The following PPP1R9A variants were observed in gnomAD, a reference collection of about 807,000 sequenced individuals.
PPP1R9A encodes neurabin-1.
A neutral mutation model predicts 141.9 loss-of-function variants in PPP1R9A; 59 were observed. The ratio of observed to expected loss-of-function variants is 0.42; its 90% CI spans 0.34 to 0.52. The LOEUF is 0.52. PPP1R9A is among the 20% of genes least tolerant of loss of function. The pLI is 0.10. For missense variants in PPP1R9A, 1,444 were observed against 1,611.9 expected (o/e 0.90, Z 1.78); for synonymous variants, 500 against 569.7 (o/e 0.88, Z 1.74).
intron 2 of PPP1R9A, among the ~76,000 whole-genome samples, chr7:95,101,010 G>A (rs1210159951): frequency 6.6e-6 from 1 of 150,942 alleles, no homozygotes; most frequent in Non-Finnish European, 1.5e-5. Context: ...CCGCTACCAC[G>A]CCCGGCTAAT....
chr7:95,109,462 T>A (rs1820151130), intron 2 of PPP1R9A, among the ~76,000 whole-genome samples: 1 of 152,148 alleles, frequency 6.6e-6, no homozygotes, highest in Admixed American at 6.5e-5. Flanking sequence ...AATGAATAAA[T>A]GTGAATAAGT....
chr7:95,183,497 C>A (rs1368895526), intron 5 of PPP1R9A, among the ~76,000 whole-genome samples: 1 of 136,758 alleles, frequency 7.3e-6, no homozygotes, highest in African/African-American at 2.8e-5. Context: ...GTTGCCCAGG[C>A]TGGAGTGCAG....
chr7:95,195,145 A>G (rs546337429), intron 5 of PPP1R9A, among the ~76,000 whole-genome samples: 1 of 152,280 alleles, frequency 6.6e-6, no homozygotes, highest in Non-Finnish European at 1.5e-5. Context: ...CACATCATAC[A>G]TGGAAATCAA....
intron 4 of PPP1R9A, chr7:95,155,208 A>T (rs1322015107): frequency 1.5e-5 from 2 of 133,420 alleles, no homozygotes; most frequent in Non-Finnish European, 3.1e-5. Flanking sequence ...TTTTTTTGAG[A>T]CAGAGTCTTG....
rs1801015402 is a variant in PPP1R9A, at chr7:94,987,685, A to C, written c.1395+76177A>C. Among the ~76,000 whole-genome samples, 4 of 152,182 alleles carry C rather than the reference A, an allele frequency of 2.6e-5. 1 individual carries two copies. Among genetic ancestry groups the C allele is most frequent in the Admixed American group, 6.5e-5 (1 of 15,270 alleles). ...ATTTATAGTGGTATGGGACATGTAA[A>C]AATGTTTTATAAAATGCAATTTGTA... On this transcript the variant is annotated intron_variant, in intron 2 of 19. Transcript: ENST00000433360.
intron 2 of PPP1R9A, among the ~76,000 whole-genome samples, chr7:94,951,469 A>G (rs527300428): frequency 6.6e-6 from 1 of 152,182 alleles, no homozygotes; most frequent in Admixed American, 6.5e-5. Context: ...GTTTCATTGA[A>G]CTTTTAAAAT....
At position 94,910,407 on chromosome 7, in the gene PPP1R9A, A is replaced by G. The variant is rs773491216; in HGVS notation, c.294A>G (p.Arg98=). Residue 98 remains arginine, a synonymous_variant, in exon 2 of 20, where the codon AGA becomes AGG. Coordinates refer to ENST00000433360, the MANE Select transcript of PPP1R9A (RefSeq NM_001166160.2). This position sits in a 1 kb window ranked among gnomAD's most constrained non-coding sequence, Gnocchi z 4.5. The stretch of plus-strand genomic sequence containing the variant: ...AAGGTGGACATTCATCTCCTCAGAG[A>G]AGAATGAAGCCCAAAGAATTTCTGG... The part of the protein sequence containing the change: ...RGKGGHSSPQ[R]RMKPKEFLEK... 6.2e-7 allele frequency: 1 copy of G among 1,614,172 alleles called. No individual in the cohort carries two copies. The highest frequency in any genetic ancestry group is 1.7e-5 in the Admixed American group (1 of 60,026).
chr7:95,155,185 CTTT>C (rs57799059), intron 4 of PPP1R9A: 115 of 119,484 alleles, frequency 9.6e-4, no homozygotes, highest in East Asian at 6.8e-3. Flanking sequence ...TTCTTTTTTT[CTTT>C]TTTTTTTTTT....
intron 2 of PPP1R9A, among the ~76,000 whole-genome samples, chr7:95,082,133 A>G (rs1406748487): frequency 6.6e-6 from 1 of 152,160 alleles, no homozygotes; most frequent in Non-Finnish European, 1.5e-5. Flanking sequence ...GCGAGGTGTG[A>G]AAGAGGGGTG....
intron 2 of PPP1R9A, among the ~76,000 whole-genome samples, chr7:94,918,641 T>A (rs909706264): frequency 3.3e-5 from 5 of 152,142 alleles, no homozygotes; most frequent in Non-Finnish European, 5.9e-5. Flanking sequence ...TGAATTGTCA[T>A]TCCCAATTCC....
intron 2 of PPP1R9A, among the ~76,000 whole-genome samples, chr7:95,043,808 C>T (rs558272563): frequency 3.3e-5 from 5 of 152,302 alleles, no homozygotes; most frequent in African/African-American, 7.2e-5. Context: ...ATTCCTCTAA[C>T]GATAAACTGT....
intron 2 of PPP1R9A, among the ~76,000 whole-genome samples, chr7:94,942,769 A>C (rs1795474355): frequency 2.6e-5 from 4 of 151,884 alleles, no homozygotes; most frequent in Admixed American, 2.0e-4. Flanking sequence ...GCACCACTGC[A>C]CTCCAGCCTG....
chr7:94,968,016 A>C (rs1327800690), intron 2 of PPP1R9A, among the ~76,000 whole-genome samples: 5 of 152,300 alleles, frequency 3.3e-5, no homozygotes, highest in Non-Finnish European at 7.4e-5. Flanking sequence ...GAAGTGTTCA[A>C]GTCTCCCACT....
At chr7:95,244,903 G>A (rs1563489835) in intron 8 of PPP1R9A, among the ~76,000 whole-genome samples, 1 of 152,142 alleles carries the variant, frequency 6.6e-6, no homozygotes, top group Non-Finnish European at 1.5e-5. Flanking sequence ...TGACTTATAA[G>A]GAACTGAATT....
chr7:95,258,164 C>G (rs565910985), intron 12 of PPP1R9A, among the ~76,000 whole-genome samples: 1 of 152,176 alleles, frequency 6.6e-6, no homozygotes, highest in African/African-American at 2.4e-5. Flanking sequence ...TTCTCCACAT[C>G]CTCTCCAGCA....
At chr7:95,179,382 T>G (rs1833377522) in intron 5 of PPP1R9A, among the ~76,000 whole-genome samples, 1 of 152,100 alleles carries the variant, frequency 6.6e-6, no homozygotes, top group Admixed American at 6.6e-5. Context: ...CTCAATGTAG[T>G]AAAAGCCATC....
At chr7:95,055,153 A>G (rs1811342881) in intron 2 of PPP1R9A, among the ~76,000 whole-genome samples, 2 of 152,168 alleles carry the variant, frequency 1.3e-5, no homozygotes, top group Admixed American at 1.3e-4. Context: ...TTTTGCCACT[A>G]TTAGCATAAA....
chr7:94,950,228 G>A (rs1263755161), intron 2 of PPP1R9A, among the ~76,000 whole-genome samples: 1 of 151,988 alleles, frequency 6.6e-6, no homozygotes, highest in Non-Finnish European at 1.5e-5. Flanking sequence ...TATATAGTTT[G>A]GTATAGTTCA....
At chr7:94,946,187 A>G (rs949394362) in intron 2 of PPP1R9A, among the ~76,000 whole-genome samples, 1 of 152,104 alleles carries the variant, frequency 6.6e-6, no homozygotes, top group Non-Finnish European at 1.5e-5. Context: ...CATTACTTAA[A>G]TAAGAGTGAT....
Sources: allele counts gnomAD v4.1 joint callset (sites outside exome capture counted in the v4.1 genomes callset), GRCh38; gene constraint gnomAD v4.1.1; non-coding constraint Gnocchi (gnomAD v3.1); transcripts MANE v1.5; gene names NCBI Gene and HGNC (gene_info 2026-07-23, HGNC 2026-07-21).